OSBPL3: variants seen among roughly 807,000 people sequenced by gnomAD.
The protein encoded by OSBPL3 is oxysterol binding protein like 3.
A neutral mutation model predicts 120.1 loss-of-function variants in OSBPL3; 65 were observed. The ratio of observed to expected loss-of-function variants is 0.54; its 90% CI spans 0.44 to 0.67. The LOEUF (loss-of-function observed/expected upper bound fraction) is 0.67. Among genes scored for constraint, OSBPL3 ranks in the 30% least tolerant of loss-of-function variants. The pLI, the probability that OSBPL3 is intolerant of heterozygous loss-of-function variation, is 0.00. For synonymous variants in OSBPL3, 416 were observed against 402.6 expected, an observed-to-expected ratio of 1.03 and a Z score of -0.40; for missense variants, 1,004 against 1,082.1, an observed-to-expected ratio of 0.93 and a Z score of 1.01.
At chr7:24,848,285 CTT>C (rs1282138840) in intron 12 of OSBPL3, among the ~76,000 whole-genome samples, 1 of 152,338 alleles carries the variant, frequency 6.6e-6, no homozygotes, top group Admixed American at 6.5e-5. Context: ...ACACACACCT[CTT>C]GTCTATTACC....
chr7:24,810,180 C>G lies in OSBPL3; in HGVS notation c.2173-229G>C, dbSNP rs1584196633. 33 of 489,948 alleles carry G rather than the reference C, an allele frequency of 6.7e-5. No homozygotes were observed. In the East Asian group the frequency reaches 1.2e-3, roughly 17 times the overall value. 30.4% of individuals were successfully genotyped at this position (489,948 alleles called of 1,614,324 possible). On this transcript the variant is annotated intron_variant, in intron 19 of 22. Transcript: ENST00000313367. The stretch of plus-strand genomic sequence containing the variant: ...TGTATACATTGTGGAATGGCTAAAT[C>G]AAGCTGATTAACATATGTATTACCT...
Position 24,872,259 on chromosome 7 carries a change from C to T in OSBPL3, c.97-190G>A, listed in dbSNP as rs1404469736. On this transcript the variant is annotated intron_variant, in intron 2 of 22. Transcript: ENST00000313367. The surrounding 1 kb of genome is among the most constrained non-coding windows in gnomAD (Gnocchi z 4.1). ...CAGATTTAATTCTATAATTTAGTGG[C>T]ATCAAATTTTGGTTTTTTTAAAGCT... Among the ~76,000 whole-genome samples the T allele has an allele frequency of 6.6e-6, 1 of 151,916 alleles. No individual in the cohort carries two copies. The highest frequency in any genetic ancestry group is 1.5e-5 in the Non-Finnish European group (1 of 67,998).
chr7:24,818,834 G>C lies in OSBPL3; in HGVS notation c.1948+1341C>G, dbSNP rs1353299570. On this transcript the variant is annotated intron_variant, in intron 17 of 22. Coordinates refer to ENST00000313367, the MANE Select transcript of OSBPL3 (RefSeq NM_015550.4). The surrounding 1 kb of genome is among the most constrained non-coding windows in gnomAD (Gnocchi z 4.0). The stretch of plus-strand genomic sequence containing the variant: ...GGGAATCCTAGGCCCATGGAAATAG[G>C]TAGATTGCTCAGGAAAAGGCTGATG... 1.3e-5 allele frequency among the ~76,000 whole-genome samples: 2 copies of C among 152,178 alleles called. No homozygotes were observed. The highest frequency in any genetic ancestry group is 2.9e-5 in the Non-Finnish European group (2 of 68,030).
chr7:24,977,423 C>T (rs933232304), intron 1 of OSBPL3, among the ~76,000 whole-genome samples: 3 of 152,096 alleles, frequency 2.0e-5, no homozygotes, highest in Admixed American at 6.5e-5. Context: ...ATTAGTGGGG[C>T]GAGAATTGAA....
chr7:24,951,270 C>T (rs1040927390), intron 1 of OSBPL3, among the ~76,000 whole-genome samples: 27 of 151,954 alleles, frequency 1.8e-4, no homozygotes, highest in African/African-American at 6.5e-4. Flanking sequence ...GGGGTTTTTT[C>T]AAATTTCTTA....
At chr7:24,908,796 G>A (rs760921292) in intron 1 of OSBPL3, among the ~76,000 whole-genome samples, 29 of 152,076 alleles carry the variant, frequency 1.9e-4, no homozygotes, top group African/African-American at 4.6e-4. Flanking sequence ...TTGCTCTGCC[G>A]GTTGTTCTCT....
intron 1 of OSBPL3, among the ~76,000 whole-genome samples, chr7:24,925,105 T>G (rs548364287): frequency 1.3e-5 from 2 of 152,314 alleles, no homozygotes; most frequent in East Asian, 3.9e-4. Flanking sequence ...GACCACAGAA[T>G]TAGGTGTTTT....
chr7:24,810,059 T>C (rs1584196138), intron 19 of OSBPL3, 108 bp from the exon 20 acceptor site: 2 of 1,158,608 alleles, frequency 1.7e-6, no homozygotes, highest in East Asian at 2.4e-5. Flanking sequence ...AGTGGCTCCA[T>C]ACTGCATATT....
chr7:24,859,858 A>G (rs1390788856), intron 10 of OSBPL3, among the ~76,000 whole-genome samples: 2 of 152,154 alleles, frequency 1.3e-5, no homozygotes, highest in Non-Finnish European at 2.9e-5. Flanking sequence ...ATTCTATTAT[A>G]TTACGTTTTT....
chr7:24,929,059 A>G (rs78727810), intron 1 of OSBPL3, among the ~76,000 whole-genome samples: 9,563 of 152,232 alleles, frequency 0.063, 526 homozygotes, highest in East Asian at 0.23. Flanking sequence ...AGAAATTGCC[A>G]AACTGCTCTC....
chr7:24,921,649 G>A (rs562078270), intron 1 of OSBPL3, among the ~76,000 whole-genome samples: 2 of 152,234 alleles, frequency 1.3e-5, no homozygotes, highest in East Asian at 1.9e-4. Flanking sequence ...CTAAACTGAG[G>A]AGCAAATACA....
rs371260234 is a variant in OSBPL3 at position 24,962,057 on chromosome 7, T to C, written c.-150+17829A>G. On this transcript the variant is annotated intron_variant, in intron 1 of 22. Coordinates refer to ENST00000313367, the MANE Select transcript of OSBPL3 (RefSeq NM_015550.4). ...GTGGCTCACACCTGTAATTCCAGCA[T>C]TTTGGGAGGCTGAGGTGGGTGGATC... Among the ~76,000 whole-genome samples, 165 of 152,012 alleles carry C rather than the reference T, an allele frequency of 1.1e-3. 3 individuals carry two copies. Among genetic ancestry groups the C allele is most frequent in the African/African-American group, 3.2e-3 (134 of 41,484 alleles).
chr7:24,944,686 C>T (rs995104397), intron 1 of OSBPL3, among the ~76,000 whole-genome samples: 18 of 151,690 alleles, frequency 1.2e-4, no homozygotes, highest in Non-Finnish European at 2.2e-4. Context: ...CCAAATTATC[C>T]TCTCCCTTTC....
chr7:24,825,045 G>A (rs1403827075), intron 16 of OSBPL3, among the ~76,000 whole-genome samples: 2 of 152,200 alleles, frequency 1.3e-5, no homozygotes, highest in Non-Finnish European at 1.5e-5. Context: ...TTTCGAGGGC[G>A]TTGTGGACCA....
At chr7:24,979,468 A>C (rs1238474309) in intron 1 of OSBPL3, among the ~76,000 whole-genome samples, 2 of 152,046 alleles carry the variant, frequency 1.3e-5, no homozygotes, top group African/African-American at 4.8e-5. Flanking sequence ...GGCGCGCCCC[A>C]TCCCGCGGAT....
At chr7:24,943,577 T>C (rs993147928) in intron 1 of OSBPL3, among the ~76,000 whole-genome samples, 5 of 152,186 alleles carry the variant, frequency 3.3e-5, no homozygotes, top group Non-Finnish European at 5.9e-5. Context: ...TCCGTTAAAC[T>C]AGATAAGATC....
At chr7:24,942,485 G>T (rs1401958334) in intron 1 of OSBPL3, among the ~76,000 whole-genome samples, 1 of 151,982 alleles carries the variant, frequency 6.6e-6, no homozygotes, top group East Asian at 1.9e-4. Context: ...TGCATTCCAC[G>T]CTGATCACCA....
chr7:24,873,070 C>G lies in OSBPL3; in HGVS notation c.97-1001G>C, dbSNP rs190255528. Among the ~76,000 whole-genome samples, 56 of 152,282 alleles carry G rather than the reference C, an allele frequency of 3.7e-4. No homozygotes were observed. Among genetic ancestry groups the G allele is most frequent in the Admixed American group, 9.8e-4 (15 of 15,302 alleles). Reference sequence around the variant, plus strand: ...CTCAGTAACTGCCAGCCAAACCCGACAGAAAACATTTCCAACACAGAGTAA... The same window carrying G: ...CTCAGTAACTGCCAGCCAAACCCGAGAGAAAACATTTCCAACACAGAGTAA... On this transcript the variant is annotated intron_variant, in intron 2 of 22. Transcript: ENST00000313367. The surrounding 1 kb of genome is among the most constrained non-coding windows in gnomAD (Gnocchi z 4.1).
chr7:24,903,119 C>G (rs1458026097), intron 1 of OSBPL3, among the ~76,000 whole-genome samples: 4 of 152,220 alleles, frequency 2.6e-5, no homozygotes, highest in African/African-American at 9.7e-5. Flanking sequence ...CTGGCAAAAA[C>G]CACAATGACT....
Sources: gnomAD v4.1 joint callset for allele counts (sites outside exome capture counted in the v4.1 genomes callset) on GRCh38, gnomAD v4.1.1 for gene constraint, Gnocchi (gnomAD v3.1) non-coding constraint, MANE v1.5 for transcripts, NCBI Gene and HGNC (gene_info 2026-07-23, HGNC 2026-07-21) for gene names.